Variants in CACNA1C observed in about 807,000 individuals in gnomAD.
The protein encoded by CACNA1C is voltage-dependent L-type calcium channel subunit alpha-1C.
CACNA1C carries 30 observed loss-of-function variants against 229.0 expected under a neutral mutation model. The ratio of observed to expected loss-of-function variants is 0.13; its 90% confidence interval spans 0.10 to 0.18. The LOEUF is 0.18. CACNA1C is among the 10% of genes least tolerant of loss of function. The pLI, the probability that CACNA1C is intolerant of heterozygous loss-of-function variation, is 1.00. For missense variants in CACNA1C, 1,658 were observed against 2,845.0 expected, an observed-to-expected ratio of 0.58 and a Z score of 9.49; for synonymous variants, 1,114 against 1,132.5, an observed-to-expected ratio of 0.98 and a Z score of 0.33.
At position 2,630,598 on chromosome 12, in the gene CACNA1C, G is replaced by A. The variant is rs930064476; in HGVS notation, c.3829-3699G>A. On this transcript the variant is annotated intron_variant, in intron 29 of 46. Coordinates refer to ENST00000399655, the MANE Select transcript of CACNA1C (RefSeq NM_000719.7). The surrounding 1 kb of genome is among the most constrained non-coding windows in gnomAD (Gnocchi z 5.4). ...TTCATGGTCCAGCTGGAGGACTGAG[G>A]GGCTCTGGGCACCAAAGGCAGGACG... 1.8e-4 allele frequency among the ~76,000 whole-genome samples: 27 copies of A among 152,108 alleles called. No homozygotes were observed. The highest frequency in any genetic ancestry group is 6.5e-4 in the African/African-American group (27 of 41,420).
intron 19 of CACNA1C, among the ~76,000 whole-genome samples, chr12:2,593,604 A>G (rs1054539259): frequency 6.6e-6 from 1 of 152,214 alleles, no homozygotes; most frequent in Non-Finnish European, 1.5e-5. Context: ...TACTAATTCT[A>G]TTTAACTTAA....
In CACNA1C at chr12:2,575,038, A is replaced by G. The variant is rs1423842979; in HGVS notation, c.1896-6552A>G. Among the ~76,000 whole-genome samples, 2 of 152,230 alleles carry G rather than the reference A, an allele frequency of 1.3e-5. No individual in the cohort carries two copies. The highest frequency in any genetic ancestry group is 3.9e-4 in the East Asian group (2 of 5,194). ...GTAGCCCCGTGGCCCAGAAGCTCAGAGAAGCATGCTGCTAAGGCCATCCCC... is the reference window on the plus strand; with the variant it reads ...GTAGCCCCGTGGCCCAGAAGCTCAGGGAAGCATGCTGCTAAGGCCATCCCC... On this transcript the variant is annotated intron_variant, in intron 13 of 46. Transcript: ENST00000399655. This position sits in a 1 kb window ranked among gnomAD's most constrained non-coding sequence, Gnocchi z 4.0.
Position 2,280,270 on chromosome 12 carries a change from T to TTGCTGTGCTTCGGTTTGACCTCTTGAG in CACNA1C, c.477+159840_477+159841insTGCTGTGCTTCGGTTTGACCTCTTGAG, listed in dbSNP as rs1566851524. On this transcript the variant is annotated intron_variant, in intron 3 of 46. Coordinates refer to ENST00000399655, the MANE Select transcript of CACNA1C (RefSeq NM_000719.7). Reference sequence around the variant, plus strand: ...GCTGTGCTTCGGTTTAACCTCTTGATACCTTGCTGTGCTTCGGTTTAACCT... The same window carrying TTGCTGTGCTTCGGTTTGACCTCTTGAG: ...GCTGTGCTTCGGTTTAACCTCTTGATTGCTGTGCTTCGGTTTGACCTCTTGAGACCTTGCTGTGCTTCGGTTTAACCT... Among the ~76,000 whole-genome samples, 3 of 63,826 alleles carry TTGCTGTGCTTCGGTTTGACCTCTTGAG rather than the reference T, an allele frequency of 4.7e-5. 1 individual carries two copies. Among genetic ancestry groups the TTGCTGTGCTTCGGTTTGACCTCTTGAG allele is most frequent in the Admixed American group, 2.8e-4 (2 of 7,268 alleles). 41.9% of individuals were successfully genotyped at this position (63,826 alleles called of 152,430 possible). A position where few individuals can be genotyped will look rare whatever the true frequency, so the allele number is the denominator to read the frequency against.
chr12:2,503,604 A>G lies in CACNA1C; in HGVS notation c.1114-1238A>G, dbSNP rs188552974. ...TCTCTGTGGTGTAAATACTTCCACC[A>G]TGGTCAGTTTCAAGCTGCCAGTGTG... On this transcript the variant is annotated intron_variant, in intron 7 of 46. Transcript: ENST00000399655. Among the ~76,000 whole-genome samples, 51 of 152,284 alleles carry G rather than the reference A, an allele frequency of 3.3e-4. No homozygotes were observed. In the East Asian group the frequency reaches 9.1e-3, roughly 27 times the overall value.
intron 3 of CACNA1C, among the ~76,000 whole-genome samples, chr12:2,341,858 G>A (rs1299424846): frequency 1.3e-5 from 2 of 152,138 alleles, no homozygotes; most frequent in Admixed American, 6.5e-5. Context: ...TCTGTTTACC[G>A]CAGCTTAACC....
chr12:2,325,786 T>C (rs575777471), intron 3 of CACNA1C, among the ~76,000 whole-genome samples: 1 of 152,350 alleles, frequency 6.6e-6, no homozygotes, highest in East Asian at 1.9e-4. Context: ...AAGGTGGTGG[T>C]GTTCTGTACC....
intron 3 of CACNA1C, among the ~76,000 whole-genome samples, chr12:2,237,428 G>A (rs1405271300): frequency 6.6e-6 from 1 of 152,170 alleles, no homozygotes; most frequent in African/African-American, 2.4e-5. Flanking sequence ...AAACCAAAAT[G>A]ACCCAATGGA....
chr12:1,992,059 G>C, intron 1 of CACNA1C: 1 of 369,138 alleles, frequency 2.7e-6, no homozygotes, highest in Non-Finnish European at 5.7e-6. Flanking sequence ...TTTCTGTAGA[G>C]AAGGAAAGGG....
intron 3 of CACNA1C, among the ~76,000 whole-genome samples, chr12:2,122,449 G>C (rs1302998950): frequency 6.6e-6 from 1 of 152,146 alleles, no homozygotes. Context: ...TAAAACAGAT[G>C]AATAAATACG....
At chr12:2,158,407 C>T (rs936425506) in intron 3 of CACNA1C, among the ~76,000 whole-genome samples, 6 of 152,230 alleles carry the variant, frequency 3.9e-5, no homozygotes, top group African/African-American at 1.4e-4. Context: ...GAAACCATGT[C>T]TTTACCAAAG....
chr12:2,624,135 G>C (rs1387732286), intron 29 of CACNA1C, among the ~76,000 whole-genome samples: 52 of 152,190 alleles, frequency 3.4e-4, no homozygotes, highest in Admixed American at 3.3e-3. Flanking sequence ...TTGGGGGTTT[G>C]TTTTGTGTCA....
Position 2,572,482 on chromosome 12 carries a change from T to C in CACNA1C, c.1895+4688T>C, listed in dbSNP as rs145662658. On this transcript the variant is annotated intron_variant, in intron 13 of 46. Transcript: ENST00000399655. ...CCTCCTCCTCTTCCTCCTTCTCCTC[T>C]TCCTCCTCCTCCTCCTCTCCTGCTC... 5.5e-4 allele frequency among the ~76,000 whole-genome samples: 24 copies of C among 43,678 alleles called. 2 individuals carry two copies. The highest frequency in any genetic ancestry group is 1.8e-3 in the East Asian group (2 of 1,096). The allele number at this position is 43,678 out of a possible 152,430, so 28.7% of individuals were successfully genotyped here. A position where few individuals can be genotyped will look rare whatever the true frequency, so the allele number is the denominator to read the frequency against.
At chr12:2,454,076 C>G (rs1430814363) in intron 4 of CACNA1C, among the ~76,000 whole-genome samples, 5 of 152,202 alleles carry the variant, frequency 3.3e-5, no homozygotes, top group African/African-American at 4.8e-5. Flanking sequence ...CTCCCTGGAG[C>G]CCTCCAGTTT....
At position 2,463,339 on chromosome 12, in the gene CACNA1C, C is replaced by T. The variant is rs369668988; in HGVS notation, c.757+5633C>T. On this transcript the variant is annotated intron_variant, in intron 5 of 46. Transcript: ENST00000399655. Reference sequence around the variant, plus strand: ...CATTTATCAATTTGTTCAACAAAATCGACTGAGTACTTACTTTATGTAAGA... The same window carrying T: ...CATTTATCAATTTGTTCAACAAAATTGACTGAGTACTTACTTTATGTAAGA... 7.2e-5 allele frequency among the ~76,000 whole-genome samples: 11 copies of T among 152,254 alleles called. No individual in the cohort carries two copies. In the South Asian group the frequency reaches 8.3e-4, roughly 11 times the overall value.
At chr12:2,375,230 C>T (rs1480471924) in intron 3 of CACNA1C, among the ~76,000 whole-genome samples, 1 of 152,174 alleles carries the variant, frequency 6.6e-6, no homozygotes, top group Non-Finnish European at 1.5e-5. Context: ...ATGGTTGAGA[C>T]TCTGCAGAAG....
chr12:2,216,794 T>G (rs113900920), intron 3 of CACNA1C, among the ~76,000 whole-genome samples: 1,609 of 152,298 alleles, frequency 0.011, 27 homozygotes, highest in African/African-American at 0.037. Flanking sequence ...TAGAGGTGTT[T>G]AAAGACAGAA....
chr12:2,567,572 C>G lies in CACNA1C; in HGVS notation c.1673C>G (p.Thr558Arg). ...ATCCCTCTCCTGGGCCTGCCAGACA[C>G]GGCAAACAAGGCCCTGCTGGCCCTG... ...QPNWLTEVQD[T>R]ANKALLALFT... Residue 558 changes from threonine to arginine, a missense_variant, in exon 13 of 47, where the codon ACG becomes AGG. Coordinates refer to ENST00000399655, the MANE Select transcript of CACNA1C (RefSeq NM_000719.7). 1 of 1,580,104 alleles carries G rather than the reference C, an allele frequency of 6.3e-7. No homozygotes were observed. The highest frequency in any genetic ancestry group is 8.6e-7 in the Non-Finnish European group (1 of 1,161,856).
At chr12:2,210,413 T>C (rs2097884170) in intron 3 of CACNA1C, among the ~76,000 whole-genome samples, 1 of 152,246 alleles carries the variant, frequency 6.6e-6, no homozygotes, top group Non-Finnish European at 1.5e-5. Flanking sequence ...ACAATAGCTT[T>C]AAGACTTATG....
chr12:2,665,461 A>C lies in CACNA1C; in HGVS notation c.4399-120A>C. The C allele has an allele frequency of 1.9e-6, 2 of 1,060,918 alleles. No individual in the cohort carries two copies. Among genetic ancestry groups the C allele is most frequent in the Non-Finnish European group, 2.9e-6 (2 of 700,508 alleles). The allele number at this position is 1,060,918 out of a possible 1,614,324, so 65.7% of individuals were successfully genotyped here. The stretch of plus-strand genomic sequence containing the variant: ...CCAGGTTCTCAGGCTGGTAGGATGG[A>C]TGACTGGTCTTTAGAAATGTTGGCT... On this transcript the variant is annotated intron_variant, in intron 35 of 46. Transcript: ENST00000399655. This position sits in a 1 kb window ranked among gnomAD's most constrained non-coding sequence, Gnocchi z 5.9.
Sources: gnomAD v4.1 joint callset for allele counts (sites outside exome capture counted in the v4.1 genomes callset) on GRCh38, gnomAD v4.1.1 for gene constraint, Gnocchi (gnomAD v3.1) non-coding constraint, MANE v1.5 for transcripts, NCBI Gene and HGNC (gene_info 2026-07-23, HGNC 2026-07-21) for gene names.